The following SLC8A1 variants were observed in gnomAD, a reference collection of about 807,000 sequenced individuals.
SLC8A1 encodes solute carrier family 8 member A1, also known as sodium/calcium exchanger 1.
A neutral mutation model predicts 68.3 loss-of-function variants in SLC8A1; 18 were observed. The ratio of observed to expected loss-of-function variants is 0.26; its 90% CI spans 0.18 to 0.39. The LOEUF (loss-of-function observed/expected upper bound fraction) is 0.39. Ranked by LOEUF, SLC8A1 falls within the 10% of genes least tolerant of loss-of-function variation. The pLI is 1.00. For synonymous variants in SLC8A1, 475 were observed against 415.5 expected (o/e 1.14, Z -1.74); for missense variants, 985 against 1,156.7 (o/e 0.85, Z 2.15).
rs948431547 is a variant in SLC8A1 at position 40,161,149 on chromosome 2, C to G, written c.2062-285G>C. 1.3e-5 allele frequency among the ~76,000 whole-genome samples: 2 copies of G among 152,152 alleles called. 1 individual carries two copies. The highest frequency in any genetic ancestry group is 4.1e-4 in the South Asian group (2 of 4,824). On this transcript the variant is annotated intron_variant, in intron 5 of 7. Transcript: ENST00000406785. ...AATAGCAGATGCTGCAAAAGCCCAT[C>G]CATCCCCCTGAATGCTTTGCCAACT...
At chr2:40,156,045 C>G (rs1263401085) in intron 6 of SLC8A1, among the ~76,000 whole-genome samples, 1 of 152,228 alleles carries the variant, frequency 6.6e-6, no homozygotes, top group Non-Finnish European at 1.5e-5. Context: ...CTCTAATCCC[C>G]TTCCTTCTAG....
intron 2 of SLC8A1, among the ~76,000 whole-genome samples, chr2:40,278,858 A>G (rs1202329693): frequency 6.6e-6 from 1 of 152,224 alleles, no homozygotes; most frequent in African/African-American, 2.4e-5. Flanking sequence ...ATTATTTATT[A>G]AAAGGTTTTT....
chr2:40,402,787 T>G (rs577553361), intron 2 of SLC8A1, among the ~76,000 whole-genome samples: 5 of 152,350 alleles, frequency 3.3e-5, no homozygotes, highest in African/African-American at 1.2e-4. Context: ...AGCTTGCAAG[T>G]GTCTGTAGTC....
chr2:40,451,737 T>C (rs1268494602), intron 1 of SLC8A1, among the ~76,000 whole-genome samples, 167 bp downstream of exon 1: 67 of 133,746 alleles, frequency 5.0e-4, no homozygotes, highest in Middle Eastern at 3.8e-3. Context: ...ACACACCACA[T>C]CACACACACA....
intron 1 of SLC8A1, among the ~76,000 whole-genome samples, chr2:40,503,401 T>C (rs976643817): frequency 5.3e-5 from 8 of 152,100 alleles, no homozygotes; most frequent in African/African-American, 1.4e-4. Context: ...AGTGAGATAG[T>C]CACACAATTA....
chr2:40,396,917 G>A (rs552728863), intron 2 of SLC8A1, among the ~76,000 whole-genome samples: 1 of 152,092 alleles, frequency 6.6e-6, no homozygotes, highest in Non-Finnish European at 1.5e-5. Flanking sequence ...GACGGTGTTA[G>A]GGGAGGTGGG....
chr2:40,436,221 C>G (rs1482398117), intron 1 of SLC8A1, among the ~76,000 whole-genome samples: 1 of 152,016 alleles, frequency 6.6e-6, no homozygotes, highest in African/African-American at 2.4e-5. Flanking sequence ...CAGCCTGGCA[C>G]TTAGAAGATG....
intron 7 of SLC8A1, among the ~76,000 whole-genome samples, chr2:40,126,720 C>A (rs1025355887): frequency 1.1e-4 from 17 of 152,094 alleles, no homozygotes; most frequent in Non-Finnish European, 1.9e-4. Flanking sequence ...CCCCCTCCCC[C>A]ACATAAACAC....
At chr2:40,167,753 G>A (rs1402691183) in intron 4 of SLC8A1, among the ~76,000 whole-genome samples, 2 of 152,134 alleles carry the variant, frequency 1.3e-5, no homozygotes. Flanking sequence ...CTATTGATGA[G>A]TGAGAAGGTT....
At position 40,239,447 on chromosome 2, in the gene SLC8A1, C is replaced by G. The variant is rs559314430; in HGVS notation, c.1809-61592G>C. 5.3e-5 allele frequency among the ~76,000 whole-genome samples: 8 copies of G among 152,236 alleles called. No homozygotes were observed. The South Asian group carries it at 1.2e-3, about 24-fold the overall frequency. ...TTTAAATGCTGAGAGACCTAAAGGA[C>G]CTCTATTTCAACCCATTGCATTACA... On this transcript the variant is annotated intron_variant, in intron 2 of 7. Transcript: ENST00000406785.
At chr2:40,311,111 CA>C (rs1316385161) in intron 2 of SLC8A1, among the ~76,000 whole-genome samples, 2 of 152,170 alleles carry the variant, frequency 1.3e-5, no homozygotes, top group Non-Finnish European at 2.9e-5. Flanking sequence ...AGATTAGTAT[CA>C]ATCTATAGGT....
intron 2 of SLC8A1, among the ~76,000 whole-genome samples, chr2:40,204,368 G>A (rs1241162959): frequency 2.6e-5 from 4 of 151,924 alleles, no homozygotes; most frequent in African/African-American, 9.7e-5. Context: ...AAGAAAATCC[G>A]CTACGGGTTT....
intron 2 of SLC8A1, among the ~76,000 whole-genome samples, chr2:40,415,673 T>C (rs1276338685): frequency 6.6e-6 from 1 of 152,030 alleles, no homozygotes; most frequent in African/African-American, 2.4e-5. Context: ...AATGCTCTCT[T>C]ATTCCACTTG....
chr2:40,173,817 T>C (rs2047975286), intron 4 of SLC8A1, among the ~76,000 whole-genome samples: 1 of 152,316 alleles, frequency 6.6e-6, no homozygotes, highest in Non-Finnish European at 1.5e-5. Context: ...ATTAAAGATA[T>C]CTTCAACCTA....
intron 2 of SLC8A1, among the ~76,000 whole-genome samples, chr2:40,335,080 T>C (rs761139558): frequency 1.5e-4 from 23 of 152,232 alleles, no homozygotes; most frequent in Non-Finnish European, 2.9e-4. Context: ...AACAGTCATA[T>C]TGTGAATCCC....
intron 2 of SLC8A1, among the ~76,000 whole-genome samples, chr2:40,221,903 A>G (rs2058376501): frequency 6.6e-6 from 1 of 152,242 alleles, no homozygotes; most frequent in Non-Finnish European, 1.5e-5. Flanking sequence ...TTCCATGCTC[A>G]TGGATAGGAA....
chr2:40,240,202 G>A (rs1488727203), intron 2 of SLC8A1, among the ~76,000 whole-genome samples: 1 of 152,240 alleles, frequency 6.6e-6, no homozygotes, highest in African/African-American at 2.4e-5. Flanking sequence ...ATTATCCCTA[G>A]ATACAGAGAG....
chr2:40,340,373 C>A (rs547089325), intron 2 of SLC8A1, among the ~76,000 whole-genome samples: 1 of 152,058 alleles, frequency 6.6e-6, no homozygotes, highest in Non-Finnish European at 1.5e-5. Context: ...CCAGCCTGGC[C>A]GACATGGTGA....
At chr2:40,237,822 C>G (rs1177069970) in intron 2 of SLC8A1, among the ~76,000 whole-genome samples, 2 of 152,158 alleles carry the variant, frequency 1.3e-5, no homozygotes, top group Admixed American at 6.5e-5. Context: ...TTCCTTCTAA[C>G]AGACAGGACC....
Sources: gnomAD v4.1 joint callset for allele counts (sites outside exome capture counted in the v4.1 genomes callset) on GRCh38, gnomAD v4.1.1 for gene constraint, MANE v1.5 for transcripts, NCBI Gene and HGNC (gene_info 2026-07-23, HGNC 2026-07-21) for gene names.